Variants in PINX1 observed in about 807,000 individuals in gnomAD.
PINX1 encodes PIN2 (TERF1) interacting telomerase inhibitor 1.
A neutral mutation model predicts 25.4 loss-of-function variants in PINX1; 34 were observed. The observed-to-expected ratio is 1.34, with a 90% confidence interval of 1.02 to 1.78. PINX1 has a LOEUF of 1.78. PINX1 is among the 40% of genes most tolerant of loss of function. The pLI, the probability that PINX1 is intolerant of heterozygous loss-of-function variation, is 0.00. For synonymous variants in PINX1, 197 were observed against 147.7 expected, an observed-to-expected ratio of 1.33 and a Z score of -2.42; for missense variants, 592 against 404.9, an observed-to-expected ratio of 1.46 and a Z score of -3.97.
intron 6 of PINX1, among the ~76,000 whole-genome samples, chr8:10,798,993 G>T (rs1376922368): frequency 1.3e-5 from 2 of 152,188 alleles, no homozygotes; most frequent in Non-Finnish European, 2.9e-5. Context: ...TTAGAAAAAT[G>T]AGTTTGTACT....
intron 1 of PINX1, 72 bp downstream of exon 1, chr8:10,839,665 TC>T: frequency 6.7e-7 from 1 of 1,502,554 alleles, no homozygotes; most frequent in Non-Finnish European, 9.1e-7. Context: ...TCCCAGCCAC[TC>T]CGGGCTGCCG....
intron 1 of PINX1, among the ~76,000 whole-genome samples, 159 bp from the exon 2 acceptor site, chr8:10,834,934 C>T (rs769157274): frequency 1.3e-5 from 2 of 152,222 alleles, no homozygotes; most frequent in African/African-American, 4.8e-5. Context: ...GAATGTTAGA[C>T]TGGATCATTT....
intron 6 of PINX1, among the ~76,000 whole-genome samples, chr8:10,819,278 C>G (rs1305203333): frequency 6.6e-6 from 1 of 152,172 alleles, no homozygotes; most frequent in Non-Finnish European, 1.5e-5. Context: ...AAACAAACCA[C>G]CACCCTAGAA....
intron 1 of PINX1, among the ~76,000 whole-genome samples, chr8:10,835,588 C>T (rs1798381198): frequency 6.6e-6 from 1 of 152,192 alleles, no homozygotes; most frequent in African/African-American, 2.4e-5. Context: ...TTCTTAACAT[C>T]CACTGTATTA....
chr8:10,766,405 G>A (rs772611624), intron 6 of PINX1, among the ~76,000 whole-genome samples: 58 of 152,276 alleles, frequency 3.8e-4, no homozygotes, highest in Non-Finnish European at 6.9e-4. Flanking sequence ...CATCTGGATA[G>A]GTTAACCTTC....
intron 6 of PINX1, among the ~76,000 whole-genome samples, chr8:10,774,982 T>C (rs758146628): frequency 3.3e-5 from 5 of 152,056 alleles, no homozygotes; most frequent in African/African-American, 4.8e-5. Flanking sequence ...AAAGGCAATA[T>C]ACCGGCACAA....
intron 5 of PINX1, among the ~76,000 whole-genome samples, chr8:10,823,660 C>G (rs766170378): frequency 6.6e-6 from 1 of 151,922 alleles, no homozygotes; most frequent in Non-Finnish European, 1.5e-5. Context: ...AATTATATAT[C>G]AGAACTAAAA....
chr8:10,788,107 G>T (rs1279263869), intron 6 of PINX1, among the ~76,000 whole-genome samples: 1 of 152,190 alleles, frequency 6.6e-6, no homozygotes, highest in African/African-American at 2.4e-5. Context: ...GTGATGTGTA[G>T]GAATTGCTTC....
intron 6 of PINX1, among the ~76,000 whole-genome samples, chr8:10,790,366 T>A (rs1801884202): frequency 6.6e-6 from 1 of 152,166 alleles, no homozygotes; most frequent in African/African-American, 2.4e-5. Context: ...CCTCACAGCA[T>A]CAGGTCAGAT....
intron 6 of PINX1, among the ~76,000 whole-genome samples, chr8:10,812,856 G>A (rs1167311378): frequency 6.6e-5 from 10 of 152,202 alleles, no homozygotes; most frequent in Admixed American, 6.5e-4. Context: ...CTCAGGACAG[G>A]TGCGACCAGA....
intron 6 of PINX1, among the ~76,000 whole-genome samples, chr8:10,777,675 T>A (rs72550748): frequency 1.4e-3 from 219 of 152,280 alleles, no homozygotes; most frequent in Middle Eastern, 3.4e-3. Context: ...GCCTTTTTTT[T>A]AAAAAACACA....
chr8:10,788,029 A>C (rs1441832032), intron 6 of PINX1, among the ~76,000 whole-genome samples: 1 of 152,216 alleles, frequency 6.6e-6, no homozygotes, highest in Non-Finnish European at 1.5e-5. Context: ...TGGTGTGATA[A>C]CAGTACTGTG....
At chr8:10,837,073 G>A (rs185400598) in intron 1 of PINX1, among the ~76,000 whole-genome samples, 3 of 152,318 alleles carry the variant, frequency 2.0e-5, no homozygotes, top group African/African-American at 7.2e-5. Flanking sequence ...GTTCATAACA[G>A]GGAACTCAAG....
intron 5 of PINX1, among the ~76,000 whole-genome samples, chr8:10,823,530 A>G (rs1042636649): frequency 3.1e-4 from 47 of 152,188 alleles, no homozygotes; most frequent in African/African-American, 1.1e-3. Context: ...AAAAAAATAC[A>G]AAAAACTACA....
chr8:10,769,262 C>T (rs1377566629), intron 6 of PINX1, among the ~76,000 whole-genome samples: 2 of 152,042 alleles, frequency 1.3e-5, no homozygotes, highest in Non-Finnish European at 1.5e-5. Flanking sequence ...TGGCAAAAAC[C>T]GTGATTACTT....
intron 6 of PINX1, among the ~76,000 whole-genome samples, chr8:10,774,951 G>C (rs1563202891): frequency 6.6e-6 from 1 of 151,070 alleles, no homozygotes. Flanking sequence ...ACATCAGACA[G>C]TGTTCTTATC....
In PINX1 at chr8:10,777,872, G is replaced by C. The variant is rs1443636790; in HGVS notation, c.472-11956C>G. ...ATCAGATACTCCGTGGAAAGACTGC[G>C]GGGTCCAGGTTGCAGAGCGGGTGCC... On this transcript the variant is annotated intron_variant, in intron 6 of 6. Transcript: ENST00000314787. Among the ~76,000 whole-genome samples the C allele has an allele frequency of 4.6e-5, 7 of 152,260 alleles. No homozygotes were observed. In the East Asian group the frequency reaches 1.4e-3, roughly 29 times the overall value.
intron 6 of PINX1, among the ~76,000 whole-genome samples, chr8:10,768,516 G>A (rs914609353): frequency 6.6e-6 from 1 of 152,134 alleles, no homozygotes; most frequent in East Asian, 1.9e-4. Flanking sequence ...TAATAGGCAC[G>A]GGTCACTGCA....
intron 6 of PINX1, among the ~76,000 whole-genome samples, chr8:10,810,172 C>T (rs1802583314): frequency 1.3e-5 from 2 of 152,210 alleles, no homozygotes; most frequent in Admixed American, 6.5e-5. Flanking sequence ...GTCACACCTC[C>T]GACACTGGGG....
Sources: gnomAD v4.1 joint callset for allele counts (sites outside exome capture counted in the v4.1 genomes callset) on GRCh38, gnomAD v4.1.1 for gene constraint, MANE v1.5 for transcripts, NCBI Gene and HGNC (gene_info 2026-07-23, HGNC 2026-07-21) for gene names.